The following INTS15 variants were observed in gnomAD, a reference collection of about 807,000 sequenced individuals.
INTS15 encodes integrator complex subunit 15.
chr7:6,607,803 A>G, the INTS15 span: 2 of 1,487,728 alleles, frequency 1.3e-6, no homozygotes, highest in Non-Finnish European at 1.8e-6. This position sits in a 1 kb window ranked among gnomAD's most constrained non-coding sequence, Gnocchi z 6.0. Context: ...TGGCTCTGCC[A>G]CTGCTTCTCC....
At chr7:6,590,414 C>T in the INTS15 span, 1 of 1,605,216 alleles carries the variant, frequency 6.2e-7, no homozygotes, top group Non-Finnish European at 8.5e-7. Context: ...GACAAGGGCC[C>T]CGTGGAGCTG....
At chr7:6,593,208 A>C in the INTS15 span, among the ~76,000 whole-genome samples, 4 of 151,956 alleles carry the variant, frequency 2.6e-5, no homozygotes, top group Non-Finnish European at 5.9e-5. Flanking sequence ...ACAGCTACTC[A>C]CCTCTTTCCT....
the INTS15 span, among the ~76,000 whole-genome samples, chr7:6,594,846 G>A: frequency 4.6e-5 from 7 of 151,880 alleles, no homozygotes; most frequent in Non-Finnish European, 8.8e-5. Context: ...TCAGCCTCCC[G>A]AGTAGCTAGG....
the INTS15 span, among the ~76,000 whole-genome samples, chr7:6,606,833 G>A: frequency 6.6e-6 from 1 of 152,006 alleles, no homozygotes; most frequent in African/African-American, 2.4e-5. Flanking sequence ...AGCCTCCTGA[G>A]TAGCTGGGAC....
the INTS15 span, chr7:6,602,325 A>G: frequency 4.9e-5 from 27 of 556,314 alleles, no homozygotes; most frequent in East Asian, 7.7e-4. Flanking sequence ...AAAAATGGTC[A>G]TCTTGCTGGT....
the INTS15 span, chr7:6,600,149 C>G: frequency 6.2e-7 from 1 of 1,614,232 alleles, no homozygotes; most frequent in Non-Finnish European, 8.5e-7. Flanking sequence ...GCTCATGACG[C>G]TGCAGCTGCA....
the INTS15 span, chr7:6,608,077 C>T: frequency 1.6e-5 from 25 of 1,564,944 alleles, no homozygotes; most frequent in South Asian, 2.8e-4. Flanking sequence ...TCCCGGCCCA[C>T]CCCGCCGCCC....
At chr7:6,597,432 C>G in the INTS15 span, among the ~76,000 whole-genome samples, 1 of 152,098 alleles carries the variant, frequency 6.6e-6, no homozygotes, top group South Asian at 2.1e-4. Context: ...GTAGCTGGGG[C>G]TATAGGCATG....
At chr7:6,600,004 G>A in the INTS15 span, 5 of 1,614,158 alleles carry the variant, frequency 3.1e-6, no homozygotes, top group South Asian at 1.1e-5. Flanking sequence ...AGGCACCCCT[G>A]GCTTATAAAA....
the INTS15 span, among the ~76,000 whole-genome samples, chr7:6,606,577 A>G: frequency 2.0e-5 from 3 of 152,212 alleles, no homozygotes; most frequent in African/African-American, 7.2e-5. Context: ...GGGGCAGGTC[A>G]GGAGAGGGGC....
the INTS15 span, among the ~76,000 whole-genome samples, chr7:6,600,820 G>A: frequency 6.6e-6 from 1 of 151,976 alleles, no homozygotes; most frequent in Non-Finnish European, 1.5e-5. Flanking sequence ...ACCACGCCTG[G>A]CTAATTTTTG....
chr7:6,591,594 T>G, the INTS15 span: 21 of 1,514,982 alleles, frequency 1.4e-5, no homozygotes, highest in Non-Finnish European at 1.8e-5. Flanking sequence ...TATGAGTTAA[T>G]AAGTACGTTA....
At chr7:6,601,987 A>G in the INTS15 span, 1 of 902,494 alleles carries the variant, frequency 1.1e-6, no homozygotes, top group African/African-American at 1.7e-5. Context: ...CACTAGGGAA[A>G]TGTAGTATGA....
At chr7:6,605,990 C>T in the INTS15 span, among the ~76,000 whole-genome samples, 128 of 151,956 alleles carry the variant, frequency 8.4e-4, no homozygotes, top group Admixed American at 3.3e-3. Context: ...TGAGCCACCA[C>T]GCCTGGCCTA....
the INTS15 span, chr7:6,591,836 C>G: frequency 6.2e-7 from 1 of 1,613,802 alleles, no homozygotes; most frequent in Non-Finnish European, 8.5e-7. Context: ...TGTCGAATCC[C>G]GGTGTTGGAG....
chr7:6,591,480 G>A, the INTS15 span, among the ~76,000 whole-genome samples: 26 of 151,894 alleles, frequency 1.7e-4, no homozygotes, highest in African/African-American at 6.3e-4. Context: ...TGGCCAGGCT[G>A]GTCTCGAACT....
At chr7:6,603,878 T>G in the INTS15 span, among the ~76,000 whole-genome samples, 1 of 152,040 alleles carries the variant, frequency 6.6e-6, no homozygotes, top group Non-Finnish European at 1.5e-5. Context: ...CGTGCATCTG[T>G]AATCCCAGCT....
chr7:6,593,666 T>C, the INTS15 span, among the ~76,000 whole-genome samples: 1 of 132,974 alleles, frequency 7.5e-6, no homozygotes, highest in African/African-American at 3.0e-5. Context: ...TTTTTTTTTT[T>C]GAGACGGTCT....
the INTS15 span, among the ~76,000 whole-genome samples, chr7:6,601,164 T>A: frequency 3.8e-4 from 58 of 152,234 alleles, no homozygotes; most frequent in Non-Finnish European, 7.6e-4. Flanking sequence ...AGAGTCAGGG[T>A]CTCACCATCT....
Sources: gnomAD v4.1 joint callset for allele counts (sites outside exome capture counted in the v4.1 genomes callset) on GRCh38, gnomAD v4.1.1 for gene constraint, Gnocchi (gnomAD v3.1) non-coding constraint, MANE v1.5 for transcripts, NCBI Gene and HGNC (gene_info 2026-07-23, HGNC 2026-07-21) for gene names.